CNTNAP2: variants seen among roughly 807,000 people sequenced by gnomAD.
CNTNAP2 encodes the protein contactin-associated protein-like 2.
A neutral mutation model predicts 155.2 loss-of-function variants in CNTNAP2; 98 were observed. The observed-to-expected ratio is 0.63, with a 90% confidence interval of 0.54 to 0.75. The LOEUF (loss-of-function observed/expected upper bound fraction) is 0.75. Ranked by LOEUF, CNTNAP2 falls within the 30% of genes least tolerant of loss-of-function variation. The probability of loss-of-function intolerance (pLI) is 0.00; values close to 1 mark genes in which losing one functional copy is unlikely to be tolerated. For missense variants in CNTNAP2, 1,727 were observed against 1,688.1 expected, an observed-to-expected ratio of 1.02 and a Z score of -0.40; for synonymous variants, 651 against 631.2, an observed-to-expected ratio of 1.03 and a Z score of -0.47.
intron 13 of CNTNAP2, among the ~76,000 whole-genome samples, chr7:147,688,743 AGAG>A (rs144156191): frequency 0.034 from 5,251 of 152,302 alleles, 151 homozygotes; most frequent in South Asian, 0.11. Flanking sequence ...ACTATGCTGC[AGAG>A]AAGAGGGCAA....
chr7:148,125,705 T>G (rs1011482710), intron 16 of CNTNAP2, among the ~76,000 whole-genome samples: 3 of 148,572 alleles, frequency 2.0e-5, no homozygotes, highest in East Asian at 1.9e-4. Context: ...ATATATAGTT[T>G]TTTTTTTTTT....
chr7:147,391,138 C>T (rs2116443972), intron 9 of CNTNAP2, among the ~76,000 whole-genome samples: 1 of 152,298 alleles, frequency 6.6e-6, no homozygotes, highest in East Asian at 1.9e-4. Context: ...CCTCACACCA[C>T]ATATACAATG....
In CNTNAP2 at chr7:147,624,571, A is replaced by G. The variant is rs556114379; in HGVS notation, c.1898-14535A>G. On this transcript the variant is annotated intron_variant, in intron 12 of 23. Coordinates refer to ENST00000361727, the MANE Select transcript of CNTNAP2 (RefSeq NM_014141.6). Reference sequence around the variant, plus strand: ...AACAACAATGAAATATCATCTCACCACAGTTAAAATGGCTTATATCCAAAA... The same window carrying G: ...AACAACAATGAAATATCATCTCACCGCAGTTAAAATGGCTTATATCCAAAA... Among the ~76,000 whole-genome samples, 4 of 152,266 alleles carry G rather than the reference A, an allele frequency of 2.6e-5. No homozygotes were observed. In the Middle Eastern group the frequency reaches 0.01, roughly 388 times the overall value.
chr7:147,272,515 TCGAGACAGAGTCCGG>T (rs1406567197), intron 8 of CNTNAP2, among the ~76,000 whole-genome samples: 3 of 152,216 alleles, frequency 2.0e-5, no homozygotes, highest in African/African-American at 7.2e-5. Flanking sequence ...TTCTATTTTT[TCGAGACAGAGTCCGG>T]CTCTGTCGCC....
At chr7:148,124,629 T>C (rs1047864744) in intron 16 of CNTNAP2, among the ~76,000 whole-genome samples, 10 of 152,300 alleles carry the variant, frequency 6.6e-5, no homozygotes, top group African/African-American at 2.4e-4. Flanking sequence ...CATAATTTCA[T>C]TGAGAGCTTT....
At chr7:147,927,838 G>C (rs1309564330) in intron 14 of CNTNAP2, among the ~76,000 whole-genome samples, 1 of 152,150 alleles carries the variant, frequency 6.6e-6, no homozygotes, top group Non-Finnish European at 1.5e-5. Context: ...CAATGGCCGA[G>C]ACCTTGACTC....
intron 10 of CNTNAP2, among the ~76,000 whole-genome samples, chr7:147,436,490 C>A (rs1241958965): frequency 6.6e-6 from 1 of 151,958 alleles, no homozygotes; most frequent in Non-Finnish European, 1.5e-5. Context: ...AATAAGAAAA[C>A]AAAAAGCAGA....
intron 21 of CNTNAP2, among the ~76,000 whole-genome samples, chr7:148,271,798 G>A (rs1047612593): frequency 1.2e-4 from 19 of 152,304 alleles, no homozygotes; most frequent in African/African-American, 3.6e-4. Flanking sequence ...ATACTTCAGT[G>A]AGAGACAACC....
rs1366729011 is a variant in CNTNAP2 at position 147,984,570 on chromosome 7, C to T, written c.2383+6581C>T. Among the ~76,000 whole-genome samples, 3 of 151,952 alleles carry T rather than the reference C, an allele frequency of 2.0e-5. No homozygotes were observed. In the East Asian group the frequency reaches 5.8e-4, roughly 29 times the overall value. Reference sequence around the variant, plus strand: ...AAGAAAAAAAAATCTCTTATGCTCTCGGGGAGTGGCTGGGTCTAGCTGTTT... The same window carrying T: ...AAGAAAAAAAAATCTCTTATGCTCTTGGGGAGTGGCTGGGTCTAGCTGTTT... On this transcript the variant is annotated intron_variant, in intron 15 of 23. Coordinates refer to ENST00000361727, the MANE Select transcript of CNTNAP2 (RefSeq NM_014141.6).
chr7:146,437,106 A>G (rs1286867486), intron 1 of CNTNAP2, among the ~76,000 whole-genome samples: 2 of 151,384 alleles, frequency 1.3e-5, no homozygotes, highest in East Asian at 3.9e-4. Flanking sequence ...CGTTGGCGTT[A>G]GGTTCTCATA....
chr7:147,486,150 G>A (rs745353673), intron 11 of CNTNAP2, 109 bp downstream of exon 11: 172 of 788,176 alleles, frequency 2.2e-4, no homozygotes, highest in African/African-American at 1.1e-3. Flanking sequence ...TACATCACTC[G>A]AATCTGAAAA....
At position 147,775,315 on chromosome 7, in the gene CNTNAP2, ATATATATT is replaced by A. The variant is rs1797557418; in HGVS notation, c.2099-128242_2099-128235del. Among the ~76,000 whole-genome samples, 6 of 41,300 alleles carry A rather than the reference ATATATATT, an allele frequency of 1.5e-4. No homozygotes were observed. In the South Asian group the frequency reaches 1.9e-3, roughly 13 times the overall value. 27.1% of individuals were successfully genotyped at this position (41,300 alleles called of 152,430 possible). A position where few individuals can be genotyped will look rare whatever the true frequency, so the allele number is the denominator to read the frequency against. ...TATATTTATATATATTTATAAATAT[ATATATATT>A]TATATATATTTATAAATATATATAT... On this transcript the variant is annotated intron_variant, in intron 13 of 23. Transcript: ENST00000361727.
At chr7:146,171,255 T>C (rs1384881474) in intron 1 of CNTNAP2, among the ~76,000 whole-genome samples, 8 of 152,108 alleles carry the variant, frequency 5.3e-5, no homozygotes, top group Non-Finnish European at 1.2e-4. Context: ...TAGAAAAAAA[T>C]ATATTTGAGA....
chr7:146,230,522 AG>A (rs1799366138), intron 1 of CNTNAP2, among the ~76,000 whole-genome samples: 1 of 152,220 alleles, frequency 6.6e-6, no homozygotes. Context: ...GCATGGGTAA[AG>A]AATAAAGAAT....
At chr7:148,049,725 C>T (rs1000761604) in intron 15 of CNTNAP2, among the ~76,000 whole-genome samples, 1 of 152,130 alleles carries the variant, frequency 6.6e-6, no homozygotes, top group African/African-American at 2.4e-5. Flanking sequence ...CACTGCCAGG[C>T]ATATAGAAGT....
chr7:148,233,826 C>G (rs1236288775), intron 20 of CNTNAP2, among the ~76,000 whole-genome samples: 3 of 152,164 alleles, frequency 2.0e-5, no homozygotes, highest in Admixed American at 2.0e-4. Flanking sequence ...GAAGGAGGAG[C>G]TTGGTGGGAG....
At chr7:146,860,669 T>C (rs1795079918) in intron 3 of CNTNAP2, among the ~76,000 whole-genome samples, 1 of 152,218 alleles carries the variant, frequency 6.6e-6, no homozygotes, top group Admixed American at 6.5e-5. Flanking sequence ...TAGTTTAAAA[T>C]GTATTGTCTT....
chr7:148,123,698 AAGAG>A (rs763944423), intron 16 of CNTNAP2, among the ~76,000 whole-genome samples: 32 of 151,214 alleles, frequency 2.1e-4, no homozygotes, highest in Non-Finnish European at 4.4e-4. Context: ...AAGAAAGAGA[AAGAG>A]AGAAACAGAG....
Position 147,977,813 on chromosome 7 carries a change from T to C in CNTNAP2, c.2256-49T>C, listed in dbSNP as rs1801455585. ...GTAAGCAACTAGCAGAAAATTCATA[T>C]GTCTAATGCAGCCTCCTCATTCTTT... On this transcript the variant is annotated intron_variant, in intron 14 of 23. Transcript: ENST00000361727. 7 of 1,612,738 alleles carry C rather than the reference T, an allele frequency of 4.3e-6. No individual in the cohort carries two copies. The East Asian group carries it at 1.1e-4, about 26-fold the overall frequency.
Sources: gnomAD v4.1 joint callset for allele counts (sites outside exome capture counted in the v4.1 genomes callset) on GRCh38, gnomAD v4.1.1 for gene constraint, MANE v1.5 for transcripts, NCBI Gene and HGNC (gene_info 2026-07-23, HGNC 2026-07-21) for gene names.